CAPN13: variants seen among roughly 807,000 people sequenced by gnomAD.
CAPN13 encodes the protein calpain 13.
Under a neutral mutation model 98.4 loss-of-function variants are expected in CAPN13, and 90 were observed. That is an observed-to-expected ratio of 0.92 (90% CI 0.77 to 1.09). The LOEUF is 1.09. CAPN13 is among the 50% of genes least tolerant of loss of function. CAPN13 has a pLI of 0.00. For synonymous variants in CAPN13, 330 were observed against 305.5 expected, an observed-to-expected ratio of 1.08 and a Z score of -0.84; for missense variants, 887 against 841.3, an observed-to-expected ratio of 1.05 and a Z score of -0.67.
intron 5 of CAPN13, among the ~76,000 whole-genome samples, chr2:30,765,751 C>T (rs190261865): frequency 1.1e-3 from 175 of 152,330 alleles, no homozygotes; most frequent in Non-Finnish European, 1.7e-3. Context: ...GACTCTGCCC[C>T]GGGCACGAAT....
chr2:30,775,850 C>G (rs932876991), intron 4 of CAPN13, 80 bp downstream of exon 4: 2 of 950,632 alleles, frequency 2.1e-6, no homozygotes, highest in Non-Finnish European at 3.0e-6. Context: ...TTCCCGGCCA[C>G]GAGAAAACTT....
At chr2:30,760,866 C>T (rs1366028150) in intron 7 of CAPN13, among the ~76,000 whole-genome samples, 2 of 152,342 alleles carry the variant, frequency 1.3e-5, no homozygotes, top group Admixed American at 1.3e-4. Flanking sequence ...CACTCCCTGG[C>T]CTCTGACTCT....
In CAPN13 at chr2:30,797,779, C is replaced by T. The variant is rs190930106; in HGVS notation, c.-33+9523G>A. Among the ~76,000 whole-genome samples, 13 of 152,346 alleles carry T rather than the reference C, an allele frequency of 8.5e-5. 1 individual carries two copies. In the East Asian group the frequency reaches 2.5e-3, roughly 29 times the overall value. On this transcript the variant is annotated intron_variant, in intron 1 of 22. Coordinates refer to ENST00000295055, the MANE Select transcript of CAPN13 (RefSeq NM_144575.3). ...CCATGCGTTGAGACTGTCATCTCCT[C>T]TACCTGCCTGGCAGAAATACTGGGT...
intron 4 of CAPN13, among the ~76,000 whole-genome samples, chr2:30,775,701 ATCATTTCTG>A (rs1466479793): frequency 3.9e-5 from 6 of 152,330 alleles, no homozygotes; most frequent in Middle Eastern, 6.8e-3. Flanking sequence ...CTCTTTGCTA[ATCATTTCTG>A]TCATTTCTTT....
rs772350357 is a variant in CAPN13 at position 30,732,481 on chromosome 2, G to A, written c.1884C>T (p.Phe628=). ...GCATCAGGAAGCAGACCAGGCTGGG[G>A]AAGCTGACCCTGCCGACGCTGTCGC... is the stretch of plus-strand genomic sequence containing the variant. ...RYSDSVGRVS[F]PSLVCFLMRL... is the part of the protein sequence containing the mutation. Residue 628 remains phenylalanine (F), a synonymous_variant, in exon 20 of 23, where the codon TTC becomes TTT. Coordinates refer to ENST00000295055, the MANE Select transcript of CAPN13 (RefSeq NM_144575.3). 3 of 1,613,498 alleles carry A rather than the reference G, an allele frequency of 1.9e-6. No homozygotes were observed. Among genetic ancestry groups the A allele is most frequent in the Non-Finnish European group, 2.5e-6 (3 of 1,179,724 alleles).
At chr2:30,798,119 A>G (rs182841602) in intron 1 of CAPN13, among the ~76,000 whole-genome samples, 5 of 152,262 alleles carry the variant, frequency 3.3e-5, no homozygotes, top group Admixed American at 3.3e-4. Flanking sequence ...TACAGTGGCC[A>G]CTGGCCATAC....
chr2:30,758,061 C>T lies in CAPN13; in HGVS notation c.851G>A (p.Gly284Glu). Residue 284 changes from glycine to glutamate, a missense_variant, in exon 8 of 23, where the codon GGG (glycine) becomes GAG (glutamate). Coordinates refer to ENST00000295055, the MANE Select transcript of CAPN13 (RefSeq NM_144575.3). The stretch of plus-strand genomic sequence containing the variant: ...GAAGCCATACCCATCACTCCAGCGC[C>T]CTCTCCATTCGGCCTCGCCCCAGCC... ...PWGWGEAEWRGRWSDGSQEWE... is the reference protein window; with the variant it reads ...PWGWGEAEWRERWSDGSQEWE... 1 of 1,611,160 alleles carries T rather than the reference C, an allele frequency of 6.2e-7. No individual in the cohort carries two copies. Among genetic ancestry groups the T allele is most frequent in the South Asian group, 1.1e-5 (1 of 90,270 alleles).
intron 11 of CAPN13, among the ~76,000 whole-genome samples, chr2:30,749,424 A>T (rs1182687234): frequency 1.3e-5 from 2 of 152,222 alleles, no homozygotes; most frequent in Non-Finnish European, 2.9e-5. Context: ...AGTGTAAACC[A>T]CAGCCAATGC....
chr2:30,796,771 A>C (rs1031116275), intron 1 of CAPN13, among the ~76,000 whole-genome samples: 1 of 152,196 alleles, frequency 6.6e-6, no homozygotes, highest in African/African-American at 2.4e-5. Flanking sequence ...TGTACGCCTC[A>C]CTTGACTTCC....
chr2:30,788,041 G>C (rs1185439424), intron 1 of CAPN13, among the ~76,000 whole-genome samples: 1 of 152,094 alleles, frequency 6.6e-6, no homozygotes, highest in Non-Finnish European at 1.5e-5. Flanking sequence ...GGTGGAGTGT[G>C]GACAGATTTG....
intron 7 of CAPN13, among the ~76,000 whole-genome samples, chr2:30,762,781 A>C (rs1055135306): frequency 6.6e-6 from 1 of 152,244 alleles, no homozygotes; most frequent in African/African-American, 2.4e-5. Context: ...TGGGTAGTTC[A>C]TTCTACCTCC....
In CAPN13 at chr2:30,743,572, C is replaced by T. The variant is rs768174907; in HGVS notation, c.1256G>A (p.Arg419Gln). The T allele has an allele frequency of 4.6e-5, 74 of 1,613,906 alleles. 1 individual carries two copies. The Middle Eastern group carries it at 2.5e-3, about 54-fold the overall frequency. ...QVILAGSQRF[R>Q]EKFPPVFFSS... Reference sequence around the variant, plus strand: ...AAAAAACACGGGTGGAAATTTCTCCCGGAACCGCTGGAATTAGAGGAAACA... The same window carrying T: ...AAAAAACACGGGTGGAAATTTCTCCTGGAACCGCTGGAATTAGAGGAAACA... The change falls in exon 13 of 23, where the codon CGG becomes CAG. Residue 419 changes from arginine to glutamine, a missense_variant. Arg to Gln is a conservative substitution (Grantham distance 43, BLOSUM62 1). Transcript: ENST00000295055.
intron 2 of CAPN13, 86 bp from the exon 3 acceptor site, chr2:30,777,725 C>G (rs1023247592): frequency 1.7e-6 from 2 of 1,142,960 alleles, no homozygotes; most frequent in Non-Finnish European, 2.6e-6. Context: ...TTTCAAGGGT[C>G]GAGGTTAATT....
intron 1 of CAPN13, among the ~76,000 whole-genome samples, chr2:30,794,511 T>C (rs1674758091): frequency 6.6e-6 from 1 of 151,842 alleles, no homozygotes; most frequent in African/African-American, 2.4e-5. Flanking sequence ...TGTTAAAACA[T>C]ACACCTTCAA....
At chr2:30,762,333 A>G (rs1672890712) in intron 7 of CAPN13, among the ~76,000 whole-genome samples, 1 of 152,210 alleles carries the variant, frequency 6.6e-6, no homozygotes, top group Admixed American at 6.5e-5. Flanking sequence ...CGATTGTCCT[A>G]CAGTGCCAGC....
intron 10 of CAPN13, 74 bp downstream of exon 10, chr2:30,752,979 C>A: frequency 6.5e-7 from 1 of 1,528,852 alleles, no homozygotes; most frequent in East Asian, 2.3e-5. Flanking sequence ...CCAGAGAGAG[C>A]TGAAGCCATG....
rs1347499987 is a variant in CAPN13, at chr2:30,738,444, T to A, written c.1550A>T (p.Asp517Val). 6.2e-7 allele frequency: 1 copy of A among 1,605,126 alleles called. No homozygotes were observed. Among genetic ancestry groups the A allele is most frequent in the South Asian group, 1.1e-5 (1 of 89,284 alleles). The change falls in exon 16 of 23, where the codon GAT becomes GTT. Residue 517 changes from aspartate to valine, a missense_variant. Coordinates refer to ENST00000295055, the MANE Select transcript of CAPN13 (RefSeq NM_144575.3). ...NRYAQQRLDI[D>V]ATQLQGLLNQ... Reference sequence around the variant, plus strand: ...GAGAAGGCCCTGAAGCTGGGTGGCATCAATGTCCAGCCTCTGATCCAAACA... The same window carrying A: ...GAGAAGGCCCTGAAGCTGGGTGGCAACAATGTCCAGCCTCTGATCCAAACA...
At chr2:30,801,586 T>C (rs534364454) in intron 1 of CAPN13, among the ~76,000 whole-genome samples, 45 of 119,660 alleles carry the variant, frequency 3.8e-4, no homozygotes, top group African/African-American at 1.4e-3. Context: ...GCCTGGGTGA[T>C]AGAGGGAGAC....
chr2:30,782,081 T>C (rs1248984514), intron 2 of CAPN13, among the ~76,000 whole-genome samples: 2 of 152,292 alleles, frequency 1.3e-5, no homozygotes, highest in East Asian at 1.9e-4. Flanking sequence ...GCTCTTGTAA[T>C]GCAAGGGCTC....
Sources: gnomAD v4.1 joint callset for allele counts (sites outside exome capture counted in the v4.1 genomes callset) on GRCh38, gnomAD v4.1.1 for gene constraint, MANE v1.5 for transcripts, NCBI Gene and HGNC (gene_info 2026-07-23, HGNC 2026-07-21) for gene names.